The following RIN2 variants were observed in gnomAD, a reference collection of about 807,000 sequenced individuals.
The protein encoded by RIN2 is Ras and Rab interactor 2.
RIN2 carries 36 observed loss-of-function variants against 78.0 expected under a neutral mutation model. The observed-to-expected ratio is 0.46, with a 90% confidence interval of 0.35 to 0.61. RIN2 has a LOEUF of 0.61. Ranked by LOEUF, RIN2 falls within the 20% of genes least tolerant of loss-of-function variation. The pLI, the probability that RIN2 is intolerant of heterozygous loss-of-function variation, is 0.00. For missense variants in RIN2, 1,087 were observed against 1,159.7 expected (o/e 0.94, Z 0.91); for synonymous variants, 466 against 466.8 (o/e 1.00, Z 0.02).
chr20:19,923,623 A>C (rs549165796), intron 3 of RIN2, among the ~76,000 whole-genome samples: 1 of 152,194 alleles, frequency 6.6e-6, no homozygotes, highest in South Asian at 2.1e-4. Context: ...ATTTTTAAAA[A>C]TAGACAAATA....
intron 2 of RIN2, among the ~76,000 whole-genome samples, chr20:19,824,611 G>A (rs1334097268): frequency 6.6e-6 from 1 of 152,002 alleles, no homozygotes; most frequent in Non-Finnish European, 1.5e-5. Context: ...TGAATCTAAG[G>A]CCCCCTGAGA....
At chr20:19,929,790 T>C (rs1052583511) in intron 3 of RIN2, among the ~76,000 whole-genome samples, 2 of 152,204 alleles carry the variant, frequency 1.3e-5, no homozygotes, top group African/African-American at 4.8e-5. Context: ...AGGGATGAGA[T>C]TGAAAGTCTG....
At chr20:19,900,818 C>T (rs866521199) in intron 3 of RIN2, among the ~76,000 whole-genome samples, 5 of 151,292 alleles carry the variant, frequency 3.3e-5, no homozygotes, top group South Asian at 2.1e-4. Context: ...GGCGTGGTGG[C>T]GCATGCCTGT....
chr20:19,972,872 T>C (rs1254695644), intron 8 of RIN2, among the ~76,000 whole-genome samples: 2 of 152,242 alleles, frequency 1.3e-5, no homozygotes, highest in African/African-American at 4.8e-5. Context: ...TGAAACTGTC[T>C]AGTAGCCACA....
At chr20:19,858,074 A>C (rs947943032) in intron 2 of RIN2, among the ~76,000 whole-genome samples, 1 of 152,082 alleles carries the variant, frequency 6.6e-6, no homozygotes, top group Non-Finnish European at 1.5e-5. Context: ...GAACAAAAGC[A>C]TTTAACTTTA....
intron 3 of RIN2, among the ~76,000 whole-genome samples, chr20:19,917,461 T>C (rs2039732291): frequency 1.3e-5 from 2 of 152,234 alleles, no homozygotes; most frequent in South Asian, 2.1e-4. Flanking sequence ...ATAATAGTTA[T>C]TTTTACTGTG....
chr20:20,000,892 G>A lies in RIN2; in HGVS notation c.2644G>A (p.Gly882Ser). The A allele has an allele frequency of 6.2e-7, 1 of 1,613,548 alleles. No individual in the cohort carries two copies. Among genetic ancestry groups the A allele is most frequent in the Non-Finnish European group, 8.5e-7 (1 of 1,179,598 alleles). ...CAAACGCATCAAGAACGATCCTTAT[G>A]GCATCATTTTCCAGAACGGGGAAGA... The part of the protein sequence containing the change: ...VYKRIKNDPY[G>S]IIFQNGEEDL... The change falls in exon 13 of 13, where the codon GGC becomes AGC. Residue 882 changes from glycine to serine, a missense_variant. Around this residue, in one of 8 missense-constraint regions of RIN2, gnomAD observed 160 missense variants for 179.4 expected, o/e 0.89. Transcript: ENST00000255006.
In RIN2 at chr20:19,974,901, C is replaced by T. The variant is rs759650536; in HGVS notation, c.876C>T (p.Ser292=). The change falls in exon 9 of 13, where the codon AGC becomes AGT. Residue 292 remains serine (S), a synonymous_variant. Transcript: ENST00000255006. Reference sequence around the variant, plus strand: ...TCAGTGGAGGCCTGAAACGGCCGAGCACAAGGACTCCCAACGCGAATGGCA... The same window carrying T: ...TCAGTGGAGGCCTGAAACGGCCGAGTACAAGGACTCCCAACGCGAATGGCA... ...QDLSGGLKRP[S]TRTPNANGTE... The T allele has an allele frequency of 6.2e-7, 1 of 1,613,908 alleles. No individual in the cohort carries two copies. The highest frequency in any genetic ancestry group is 1.1e-5 in the South Asian group (1 of 91,082).
chr20:19,815,857 T>C (rs2035750904), intron 2 of RIN2, among the ~76,000 whole-genome samples: 1 of 152,240 alleles, frequency 6.6e-6, no homozygotes, highest in Non-Finnish European at 1.5e-5. Context: ...AAAGTTGTTG[T>C]AGCATCTTCC....
intron 11 of RIN2, among the ~76,000 whole-genome samples, chr20:19,994,535 G>A (rs978375975): frequency 6.6e-6 from 1 of 152,114 alleles, no homozygotes; most frequent in Admixed American, 6.5e-5. Context: ...TTCAAAGTGT[G>A]GTCAATTTTG....
At chr20:19,807,222 C>A (rs1302747433) in intron 2 of RIN2, among the ~76,000 whole-genome samples, 1 of 152,206 alleles carries the variant, frequency 6.6e-6, no homozygotes, top group Non-Finnish European at 1.5e-5. Flanking sequence ...GTCACATGGC[C>A]AAACCTAAGT....
chr20:19,787,105 A>G (rs1329288364), intron 1 of RIN2, among the ~76,000 whole-genome samples: 1 of 152,150 alleles, frequency 6.6e-6, no homozygotes, highest in African/African-American at 2.4e-5. Context: ...GAGCAAACAT[A>G]TTTAACATTC....
rs180850645 is a variant in RIN2, at chr20:19,951,726, C to T, written c.159-4889C>T. 3.9e-5 allele frequency among the ~76,000 whole-genome samples: 6 copies of T among 152,204 alleles called. No individual in the cohort carries two copies. The East Asian group carries it at 7.7e-4, about 20-fold the overall frequency. On this transcript the variant is annotated intron_variant, in intron 4 of 12. Transcript: ENST00000255006. ...ATTTACTATTTTCAGATCAAAAGGG[C>T]GAGGCTCAGAAAGGGACCTGAGCAA... is the stretch of plus-strand genomic sequence containing the variant.
Position 19,854,446 on chromosome 20 carries a change from A to G in RIN2, c.-36-35120A>G, listed in dbSNP as rs1484131419. ...TCATTGGTAGCTTGATGGGGATGGC[A>G]TTGAATCTATAAATTTCCTTGGGCA... On this transcript the variant is annotated intron_variant, in intron 2 of 12. Coordinates refer to ENST00000255006, the MANE Select transcript of RIN2 (RefSeq NM_018993.4). Among the ~76,000 whole-genome samples the G allele has an allele frequency of 2.6e-5, 4 of 152,368 alleles. No homozygotes were observed. The East Asian group carries it at 7.7e-4, about 29-fold the overall frequency.
At chr20:19,945,691 T>A (rs981939763) in intron 4 of RIN2, among the ~76,000 whole-genome samples, 3 of 152,214 alleles carry the variant, frequency 2.0e-5, no homozygotes, top group Non-Finnish European at 2.9e-5. Context: ...TCATTTTTTT[T>A]TTCACTATGT....
At chr20:19,922,964 A>G (rs2039988069) in intron 3 of RIN2, among the ~76,000 whole-genome samples, 1 of 152,200 alleles carries the variant, frequency 6.6e-6, no homozygotes, top group South Asian at 2.1e-4. Flanking sequence ...AACTTCCGTG[A>G]ACTCTCGGCA....
At chr20:19,911,982 G>A (rs2039491305) in intron 3 of RIN2, among the ~76,000 whole-genome samples, 1 of 152,162 alleles carries the variant, frequency 6.6e-6, no homozygotes, top group East Asian at 1.9e-4. Context: ...TGGTTTTGAT[G>A]GAAGGATCTA....
intron 3 of RIN2, among the ~76,000 whole-genome samples, chr20:19,915,752 C>T (rs2039658393): frequency 6.6e-6 from 1 of 152,236 alleles, no homozygotes; most frequent in Non-Finnish European, 1.5e-5. Context: ...TTCATACCCA[C>T]TCTGCTCTCT....
chr20:19,794,363 C>T (rs1365910689), intron 1 of RIN2, among the ~76,000 whole-genome samples: 1 of 152,148 alleles, frequency 6.6e-6, no homozygotes, highest in East Asian at 1.9e-4. Flanking sequence ...CGAGCCCAGC[C>T]TGGCCAACAT....
Sources: allele counts gnomAD v4.1 joint callset (sites outside exome capture counted in the v4.1 genomes callset), GRCh38; gene constraint gnomAD v4.1.1; regional missense constraint gnomAD v4.1.1; transcripts MANE v1.5; gene names NCBI Gene and HGNC (gene_info 2026-07-23, HGNC 2026-07-21).